PHTF2: variants seen among roughly 807,000 people sequenced by gnomAD.
PHTF2 encodes protein PHTF2.
A neutral mutation model predicts 101.2 loss-of-function variants in PHTF2; 60 were observed. The observed-to-expected ratio is 0.59, with a 90% CI of 0.48 to 0.73. The LOEUF (loss-of-function observed/expected upper bound fraction) is 0.73. Ranked by LOEUF, PHTF2 falls within the 30% of genes least tolerant of loss-of-function variation. The probability of loss-of-function intolerance (pLI) is 0.00; values close to 1 mark genes in which losing one functional copy is unlikely to be tolerated. For missense variants in PHTF2, 747 were observed against 908.7 expected (o/e 0.82, Z 2.29); for synonymous variants, 311 against 307.3 (o/e 1.01, Z -0.13).
At chr7:77,939,983 G>A (rs775587959) in intron 13 of PHTF2, 47 bp from the exon 13 acceptor site, 3 of 1,370,978 alleles carry the variant, frequency 2.2e-6, no homozygotes, top group East Asian at 2.3e-5. Context: ...AAAATTTATG[G>A]TATAATTTTA....
intron 2 of PHTF2, among the ~76,000 whole-genome samples, chr7:77,843,422 C>T (rs556563320): frequency 6.6e-6 from 1 of 152,266 alleles, no homozygotes; most frequent in East Asian, 1.9e-4. Flanking sequence ...TCCTAGAATT[C>T]TCTGTTCATC....
chr7:77,939,589 C>CAAAAAAAAAA (rs914007792), intron 13 of PHTF2, among the ~76,000 whole-genome samples: 4 of 75,078 alleles, frequency 5.3e-5, no homozygotes, highest in Non-Finnish European at 9.1e-5. Context: ...GACCCTGTCT[C>CAAAAAAAAAA]AAAAAAAAAA....
chr7:77,870,246 TG>T (rs1283895041), intron 3 of PHTF2, among the ~76,000 whole-genome samples: 12 of 143,530 alleles, frequency 8.4e-5, no homozygotes, highest in African/African-American at 2.5e-4. Context: ...TAATCCATTT[TG>T]TTTTTTTTTT....
Position 77,912,710 on chromosome 7 carries a change from C to CTTTTTT in PHTF2, c.776+2335_776+2340dup, listed in dbSNP as rs536966733. On this transcript the variant is annotated intron_variant, in intron 9 of 19. Coordinates refer to ENST00000416283, the Ensembl canonical transcript of PHTF2. ...TCTCACTGCACACTGAGAGAACCACCTTTTTTTTTTTTTTTTTTTTTTTTT... is the reference window on the plus strand; with the variant it reads ...TCTCACTGCACACTGAGAGAACCACCTTTTTTTTTTTTTTTTTTTTTTTTTTTTTTT... 8.7e-5 allele frequency among the ~76,000 whole-genome samples: 7 copies of CTTTTTT among 80,464 alleles called. 1 individual carries two copies. Among genetic ancestry groups the CTTTTTT allele is most frequent in the South Asian group, 4.0e-4 (1 of 2,476 alleles). 52.8% of individuals were successfully genotyped at this position (80,464 alleles called of 152,430 possible).
chr7:77,816,294 C>G (rs1793848775), intron 1 of PHTF2, among the ~76,000 whole-genome samples: 1 of 152,056 alleles, frequency 6.6e-6, no homozygotes, highest in Non-Finnish European at 1.5e-5. Flanking sequence ...AGGCTGGTCT[C>G]AAACTCCTGA....
intron 5 of PHTF2, among the ~76,000 whole-genome samples, chr7:77,900,487 C>T (rs746950251): frequency 3.9e-5 from 6 of 152,092 alleles, no homozygotes; most frequent in Admixed American, 6.6e-5. Context: ...GGTAATAAAC[C>T]GGCCTGGCAT....
chr7:77,848,416 T>A (rs566076799), intron 2 of PHTF2, among the ~76,000 whole-genome samples: 2 of 152,344 alleles, frequency 1.3e-5, no homozygotes, highest in East Asian at 3.9e-4. Flanking sequence ...TGAGGTAAGA[T>A]GATATCTCAC....
At chr7:77,900,572 G>T in intron 5 of PHTF2, 139 bp from the exon 5 acceptor site, 1 of 643,032 alleles carries the variant, frequency 1.6e-6, no homozygotes, top group Non-Finnish European at 2.8e-6. Context: ...TGTTCTGTTT[G>T]TAACAAATGC....
chr7:77,850,633 C>A (rs543442659), intron 2 of PHTF2, among the ~76,000 whole-genome samples: 1 of 146,156 alleles, frequency 6.8e-6, no homozygotes, highest in South Asian at 2.2e-4. Flanking sequence ...CAGAGTGAGA[C>A]CCTGTCTCAA....
chr7:77,935,473 C>T (rs2150960901), intron 12 of PHTF2, among the ~76,000 whole-genome samples: 1 of 152,306 alleles, frequency 6.6e-6, no homozygotes, highest in South Asian at 2.1e-4. Flanking sequence ...GATCCGCCCA[C>T]CTCAGCCTCC....
At chr7:77,896,818 A>T (rs1454071262) in intron 5 of PHTF2, among the ~76,000 whole-genome samples, 1 of 152,176 alleles carries the variant, frequency 6.6e-6, no homozygotes, top group African/African-American at 2.4e-5. Flanking sequence ...TACCAAATGT[A>T]TTGAGTTTGT....
chr7:77,898,734 A>G (rs1032677381), intron 5 of PHTF2, among the ~76,000 whole-genome samples: 16 of 152,156 alleles, frequency 1.1e-4, no homozygotes, highest in African/African-American at 3.9e-4. Context: ...TTCATTAACA[A>G]TTCATGGCCA....
intron 1 of PHTF2, among the ~76,000 whole-genome samples, chr7:77,809,937 T>C (rs1347671128): frequency 2.0e-5 from 3 of 152,198 alleles, no homozygotes; most frequent in African/African-American, 7.2e-5. Flanking sequence ...GCAACCACAC[T>C]AAATGAAATT....
At chr7:77,935,240 T>TC (rs1233841468) in intron 12 of PHTF2, among the ~76,000 whole-genome samples, 11 of 119,642 alleles carry the variant, frequency 9.2e-5, no homozygotes, top group South Asian at 3.0e-4. Flanking sequence ...TTTTTTTTTT[T>TC]CAGACGGAGT....
At chr7:77,925,217 AC>A (rs1274207003) in intron 11 of PHTF2, among the ~76,000 whole-genome samples, 1 of 151,768 alleles carries the variant, frequency 6.6e-6, no homozygotes, top group Non-Finnish European at 1.5e-5. Flanking sequence ...TTTTCCTTCC[AC>A]CCCCCAAGAA....
At chr7:77,920,432 G>T in exon 10 of PHTF2, 2 of 1,613,260 alleles carry the variant, frequency 1.2e-6, no homozygotes, top group Non-Finnish European at 1.7e-6. Context: ...AGACAGCCTG[G>T]AACACAGGAA....
At chr7:77,898,699 C>T (rs1801099773) in intron 5 of PHTF2, among the ~76,000 whole-genome samples, 1 of 152,156 alleles carries the variant, frequency 6.6e-6, no homozygotes, top group Non-Finnish European at 1.5e-5. Context: ...TGTTTAAAGA[C>T]ACCTTATTTA....
intron 1 of PHTF2, among the ~76,000 whole-genome samples, chr7:77,799,487 C>A (rs925883420): frequency 5.3e-5 from 8 of 152,190 alleles, no homozygotes; most frequent in African/African-American, 1.9e-4. Context: ...CGCTGCCCTG[C>A]CCCCTCTGAG....
At chr7:77,829,874 GTAAA>G (rs1794950117) in intron 1 of PHTF2, among the ~76,000 whole-genome samples, 1 of 152,154 alleles carries the variant, frequency 6.6e-6, no homozygotes, top group South Asian at 2.1e-4. Context: ...TGACATGTCA[GTAAA>G]TAAATGAACC....
Sources: gnomAD v4.1 joint callset for allele counts (sites outside exome capture counted in the v4.1 genomes callset) on GRCh38, gnomAD v4.1.1 for gene constraint, MANE v1.5 for transcripts, NCBI Gene and HGNC (gene_info 2026-07-23, HGNC 2026-07-21) for gene names.